PLEKHG2: variants seen among roughly 807,000 people sequenced by gnomAD.
PLEKHG2 encodes pleckstrin homology and RhoGEF domain containing G2.
Under a neutral mutation model 104.4 loss-of-function variants are expected in PLEKHG2, and 71 were observed. That is an observed-to-expected ratio of 0.68 (90% CI 0.56 to 0.83). PLEKHG2 has a LOEUF of 0.83. Ranked by LOEUF, PLEKHG2 falls within the 40% of genes least tolerant of loss-of-function variation. The probability of loss-of-function intolerance (pLI) is 0.00; values close to 1 mark genes in which losing one functional copy is unlikely to be tolerated. For missense variants in PLEKHG2, 1,730 were observed against 1,809.4 expected (o/e 0.96, Z 0.80); for synonymous variants, 728 against 737.0 (o/e 0.99, Z 0.20).
chr19:39,424,297 T>A lies in PLEKHG2; in HGVS notation c.3164T>A (p.Leu1055Gln). The change falls in exon 19 of 19, where the codon CTG (leucine) becomes CAG (glutamine). Residue 1055 changes from leucine to glutamine, a missense_variant. By Grantham distance (113) the Leu-to-Gln change is moderately radical (BLOSUM62 -2). Transcript: ENST00000425673. ...AGCGAGAGCCCAACCAATATCCCACTGACAAAGCAAGGAGGTTCCAGGGAT... is the reference window on the plus strand; with the variant it reads ...AGCGAGAGCCCAACCAATATCCCACAGACAAAGCAAGGAGGTTCCAGGGAT... ...LDSESPTNIP[L>Q]TKQGGSRDVQ... 6.2e-7 allele frequency: 1 copy of A among 1,614,154 alleles called. No individual in the cohort carries two copies. Among genetic ancestry groups the A allele is most frequent in the Non-Finnish European group, 8.5e-7 (1 of 1,180,036 alleles).
Position 39,418,578 on chromosome 19 carries a change from C to CA in PLEKHG2, c.1084-144dup, listed in dbSNP as rs368208279. 2.3e-3 allele frequency among the ~76,000 whole-genome samples: 295 copies of CA among 130,012 alleles called. 2 individuals carry two copies. The South Asian group carries it at 0.03, about 13-fold the overall frequency. 85.3% of individuals were successfully genotyped at this position (130,012 alleles called of 152,430 possible). A position where few individuals can be genotyped will look rare whatever the true frequency, so the allele number is the denominator to read the frequency against. The stretch of plus-strand genomic sequence containing the variant: ...TGGGTGACAGAGCAAGACTCTGTCT[C>CA]AAAAAAAAAAAAGGGAGAGGAAACC... On this transcript the variant is annotated intron_variant, in intron 9 of 18. Coordinates refer to ENST00000425673, the MANE Select transcript of PLEKHG2 (RefSeq NM_022835.3).
intron 11 of PLEKHG2, 49 bp downstream of exon 11, chr19:39,419,052 TC>T: frequency 6.6e-7 from 1 of 1,514,688 alleles, no homozygotes; most frequent in Non-Finnish European, 8.9e-7. Context: ...GGAGACACCC[TC>T]CCCCAATAGT....
chr19:39,423,389 C>G lies in PLEKHG2; in HGVS notation c.2335C>G (p.Leu779Val). Residue 779 changes from leucine to valine, a missense_variant, in exon 18 of 19, where the codon CTG becomes GTG. Physicochemically the swap from Leu to Val is conservative, Grantham distance 32. Coordinates refer to ENST00000425673, the MANE Select transcript of PLEKHG2 (RefSeq NM_022835.3). ...SAWQALEQGQ[L>V]ARPGFPEPLL... ...CTGGCAGGCATTGGAACAGGGACAG[C>G]TGGCCCGGCCAGGCTTCCCAGAGCC... The G allele has an allele frequency of 6.2e-7, 1 of 1,611,620 alleles. No homozygotes were observed. Among genetic ancestry groups the G allele is most frequent in the South Asian group, 1.1e-5 (1 of 90,822 alleles).
Position 39,425,516 on chromosome 19 carries a change from A to G in PLEKHG2, c.*222A>G, listed in dbSNP as rs371506042. The G allele has an allele frequency of 5.1e-4, 350 of 689,978 alleles. 6 individuals carry two copies. The South Asian group carries it at 0.01, about 20-fold the overall frequency. 42.7% of individuals were successfully genotyped at this position (689,978 alleles called of 1,614,324 possible). On this transcript the variant is annotated 3_prime_UTR_variant, in exon 19 of 19. Coordinates refer to ENST00000425673, the MANE Select transcript of PLEKHG2 (RefSeq NM_022835.3). ...TTGTTAATACTGATTCTTTCATGCA[A>G]TGATGTGTATTTTCCCATTCTGGAG... is the stretch of plus-strand genomic sequence containing the variant.
chr19:39,424,624 C>A lies in PLEKHG2; in HGVS notation c.3491C>A (p.Pro1164His). 6.2e-7 allele frequency: 1 copy of A among 1,614,150 alleles called. No homozygotes were observed. The highest frequency in any genetic ancestry group is 1.1e-5 in the South Asian group (1 of 91,080). ...TGGGTCCAAGCCCTCCCAACTTCACCCAAGCAGGGAAGCCTCCCAGACATC... is the reference window on the plus strand; with the variant it reads ...TGGGTCCAAGCCCTCCCAACTTCACACAAGCAGGGAAGCCTCCCAGACATC... The part of the protein sequence containing the change: ...DIWVQALPTS[P>H]KQGSLPDIQG... Residue 1164 changes from proline (P) to histidine (H), a missense_variant, in exon 19 of 19, where the codon CCC (proline) becomes CAC (histidine). Physicochemically the swap from Pro to His is moderately conservative, Grantham distance 77 (BLOSUM62 -2). Coordinates refer to ENST00000425673, the MANE Select transcript of PLEKHG2 (RefSeq NM_022835.3).
In PLEKHG2 at chr19:39,416,216, A is replaced by C; in HGVS notation, c.480-132A>C. ...AGAGGACCCTTCCTCCGGACATGAC[A>C]TCCCCTTAGGAGATGCTGGCAGTCA... On this transcript the variant is annotated intron_variant, in intron 4 of 18. Coordinates refer to ENST00000425673, the MANE Select transcript of PLEKHG2 (RefSeq NM_022835.3). The surrounding 1 kb of genome is among the most constrained non-coding windows in gnomAD (Gnocchi z 4.5). 1 of 847,492 alleles carries C rather than the reference A, an allele frequency of 1.2e-6. No homozygotes were observed. The highest frequency in any genetic ancestry group is 1.5e-5 in the South Asian group (1 of 65,034). 52.5% of individuals were successfully genotyped at this position (847,492 alleles called of 1,614,324 possible).
chr19:39,427,017 CGTT>C lies in PLEKHG2; in HGVS notation c.*1739_*1741del, dbSNP rs755693756. The C allele has an allele frequency of 7.9e-4, 120 of 151,280 alleles. 1 individual carries two copies. The highest frequency in any genetic ancestry group is 6.8e-3 in the Middle Eastern group (2 of 296). The allele number at this position is 151,280 out of a possible 1,614,324, so 9.4% of individuals were successfully genotyped here. A position where few individuals can be genotyped will look rare whatever the true frequency, so the allele number is the denominator to read the frequency against. On this transcript the variant is annotated 3_prime_UTR_variant, in exon 19 of 19. Transcript: ENST00000425673. ...GCACCACCATGCCCAGCTAATTTTT[CGTT>C]GTTGTTGTTGTTGTTTTGTTTTTGA...
Position 39,424,827 on chromosome 19 carries a change from C to A in PLEKHG2, c.3694C>A (p.Gln1232Lys). The A allele has an allele frequency of 6.2e-7, 1 of 1,614,222 alleles. No homozygotes were observed. The highest frequency in any genetic ancestry group is 1.3e-5 in the African/African-American group (1 of 75,064). ...TCAGGGCCTCTCACCCACCCCAGTT[C>A]AGACCACCATGGTTTTGTCCAAACC... ...DIQGLSPTPV[Q>K]TTMVLSKPGG... is the part of the protein sequence containing the mutation. The change falls in exon 19 of 19, where the codon CAG (glutamine) becomes AAG (lysine). Residue 1232 changes from glutamine (Q) to lysine (K), a missense_variant. By Grantham distance (53) the Gln-to-Lys change is moderately conservative (BLOSUM62 1). Coordinates refer to ENST00000425673, the MANE Select transcript of PLEKHG2 (RefSeq NM_022835.3).
rs960604770 is a variant in PLEKHG2, at chr19:39,423,326, G to A, written c.2272G>A (p.Glu758Lys). The A allele has an allele frequency of 7.4e-6, 12 of 1,614,064 alleles. No homozygotes were observed. Among genetic ancestry groups the A allele is most frequent in the South Asian group, 3.3e-5 (3 of 91,088 alleles). ...CACCCAACATCAGGGATTCCCAGATGAGCTGGCATTCCGCTCTTGCTCAGA... is the reference window on the plus strand; with the variant it reads ...CACCCAACATCAGGGATTCCCAGATAAGCTGGCATTCCGCTCTTGCTCAGA... Reference protein sequence around the residue: ...DVTQHQGFPDELAFRSCSEIR... With the variant: ...DVTQHQGFPDKLAFRSCSEIR... Residue 758 changes from glutamate to lysine, a missense_variant, in exon 18 of 19, where the codon GAG becomes AAG. Glu to Lys is a moderately conservative substitution (Grantham distance 56). Transcript: ENST00000425673.
At position 39,424,356 on chromosome 19, in the gene PLEKHG2, A is replaced by G. The variant is rs2078750129; in HGVS notation, c.3223A>G (p.Ile1075Val). 2 of 1,613,958 alleles carry G rather than the reference A, an allele frequency of 1.2e-6. No individual in the cohort carries two copies. The highest frequency in any genetic ancestry group is 3.3e-5 in the Admixed American group (2 of 59,994). ...QGPDPVCSQPIQPLSWHGSSL... is the reference protein window; with the variant it reads ...QGPDPVCSQPVQPLSWHGSSL... The stretch of plus-strand genomic sequence containing the variant: ...CCCAGACCCTGTCTGCAGTCAACCC[A>G]TCCAGCCTTTGTCTTGGCATGGAAG... Residue 1075 changes from isoleucine (I) to valine (V), a missense_variant, in exon 19 of 19, where the codon ATC becomes GTC. Physicochemically the swap from Ile to Val is conservative, Grantham distance 29. Coordinates refer to ENST00000425673, the MANE Select transcript of PLEKHG2 (RefSeq NM_022835.3).
At chr19:39,421,898 T>G (rs1231054790) in intron 16 of PLEKHG2, 2 of 388,262 alleles carry the variant, frequency 5.2e-6, no homozygotes, top group Admixed American at 9.0e-5. Context: ...GCGCCTGTAA[T>G]CCCAGCTACT....
chr19:39,419,268 A>G (rs2078658989), intron 11 of PLEKHG2, among the ~76,000 whole-genome samples: 1 of 152,168 alleles, frequency 6.6e-6, no homozygotes, highest in Admixed American at 6.5e-5. Context: ...GGTGATGAGT[A>G]ATGGTCACCA....
Position 39,424,384 on chromosome 19 carries a change from G to C in PLEKHG2, c.3251G>C (p.Ser1084Thr). The C allele has an allele frequency of 6.2e-7, 1 of 1,614,110 alleles. No individual in the cohort carries two copies. Among genetic ancestry groups the C allele is most frequent in the South Asian group, 1.1e-5 (1 of 91,084 alleles). Residue 1084 changes from serine (S) to threonine (T), a missense_variant, in exon 19 of 19, where the codon AGC becomes ACC. Transcript: ENST00000425673. ...PIQPLSWHGS[S>T]LDPQGPGDTL... ...CAGCCTTTGTCTTGGCATGGAAGCA[G>C]CCTGGATCCCCAGGGCCCAGGCGAC...
intron 17 of PLEKHG2, 48 bp downstream of exon 17, chr19:39,422,336 C>T (rs765605240): frequency 6.3e-7 from 1 of 1,575,480 alleles, no homozygotes; most frequent in Non-Finnish European, 8.6e-7. Context: ...TGGGTGTGGG[C>T]ACACAGACCA....
chr19:39,422,271 G>A lies in PLEKHG2; in HGVS notation c.1660G>A (p.Gly554Ser), dbSNP rs1434603053. The A allele has an allele frequency of 1.1e-5, 17 of 1,612,090 alleles. No individual in the cohort carries two copies. The highest frequency in any genetic ancestry group is 1.3e-5 in the African/African-American group (1 of 74,842). The change falls in exon 17 of 19, where the codon GGC becomes AGC. Residue 554 changes from glycine (G) to serine (S), a missense_variant. Transcript: ENST00000425673. ...AATCCTGGAACTGCTGAATCAGCGAGGCCTTCGAGATCCAGGGGTGAGCTG... is the reference window on the plus strand; with the variant it reads ...AATCCTGGAACTGCTGAATCAGCGAAGCCTTCGAGATCCAGGGGTGAGCTG... ...EEILELLNQR[G>S]LRDPGPSTHD...
In PLEKHG2 at chr19:39,422,914, T is replaced by C; in HGVS notation, c.1860T>C (p.Ser620=). 1 of 1,609,512 alleles carries C rather than the reference T, an allele frequency of 6.2e-7. No homozygotes were observed. Among genetic ancestry groups the C allele is most frequent in the Non-Finnish European group, 8.5e-7 (1 of 1,177,070 alleles). Residue 620 remains serine, a synonymous_variant, in exon 18 of 19, where the codon AGT becomes AGC. Coordinates refer to ENST00000425673, the MANE Select transcript of PLEKHG2 (RefSeq NM_022835.3). ...TCCACGTCCTGGAAGGGCTCGAAAG[T>C]TCCATTGCAGCTGAAATGCCCAGCA... ...SPLHVLEGLE[S]SIAAEMPSIP...
chr19:39,417,718 G>A (rs1196920510), intron 8 of PLEKHG2, 26 bp downstream of exon 8: 6 of 1,605,050 alleles, frequency 3.7e-6, no homozygotes, highest in Admixed American at 3.4e-5. Flanking sequence ...GCTGGGGCTT[G>A]CTGGATGAGG....
rs1437680644 is a variant in PLEKHG2 at position 39,423,583 on chromosome 19, G to A, written c.2529G>A (p.Pro843=). ...AGACTCGGGCATCAGCCAATGCCCC[G>A]CGCCGCCGGCCTCGGGTTCTGGCCC... ...RAETRASANA[P]RRRPRVLAQP... is the part of the protein sequence containing the mutation. The change falls in exon 18 of 19, where the codon CCG becomes CCA. Residue 843 remains proline, a synonymous_variant. Coordinates refer to ENST00000425673, the MANE Select transcript of PLEKHG2 (RefSeq NM_022835.3). The A allele has an allele frequency of 1.6e-5, 25 of 1,533,510 alleles. No homozygotes were observed. The highest frequency in any genetic ancestry group is 8.3e-5 in the African/African-American group (6 of 72,458). The allele number at this position is 1,533,510 out of a possible 1,614,324, so 95.0% of individuals were successfully genotyped here.
In PLEKHG2 at chr19:39,415,349, G is replaced by T. The variant is rs1351448254; in HGVS notation, c.389G>T (p.Gly130Val). 8.1e-6 allele frequency: 13 copies of T among 1,613,954 alleles called. No individual in the cohort carries two copies. In the African/African-American group the frequency reaches 1.6e-4, roughly 20 times the overall value. ...DLRSIVEDYL[G>V]PLLDGGVLGL... ...CAGTCATCCCAACAGGACTACCTGGGCCCTCTGCTGGACGGCGGGGTCCTG... is the reference window on the plus strand; with the variant it reads ...CAGTCATCCCAACAGGACTACCTGGTCCCTCTGCTGGACGGCGGGGTCCTG... The change falls in exon 4 of 19, where the codon GGC (glycine) becomes GTC (valine). Residue 130 changes from glycine (G) to valine (V), a missense_variant. Transcript: ENST00000425673. This position sits in a 1 kb window ranked among gnomAD's most constrained non-coding sequence, Gnocchi z 4.6.
Sources: allele counts gnomAD v4.1 joint callset (sites outside exome capture counted in the v4.1 genomes callset), GRCh38; gene constraint gnomAD v4.1.1; non-coding constraint Gnocchi (gnomAD v3.1); transcripts MANE v1.5; gene names NCBI Gene and HGNC (gene_info 2026-07-23, HGNC 2026-07-21).